The following NTMT2 variants were observed in gnomAD, a reference collection of about 807,000 sequenced individuals.
NTMT2 encodes N-terminal Xaa-Pro-Lys N-methyltransferase 2.
Under a neutral mutation model 23.4 loss-of-function variants are expected in NTMT2, and 21 were observed. The ratio of observed to expected loss-of-function variants is 0.90; its 90% CI spans 0.64 to 1.29. The LOEUF is 1.29. NTMT2 is among the 50% of genes most tolerant of loss of function. NTMT2 has a pLI of 0.00. For missense variants in NTMT2, 336 were observed against 352.0 expected (o/e 0.95, Z 0.36); for synonymous variants, 131 against 127.7 (o/e 1.03, Z -0.17).
In NTMT2 at chr1:170,162,611, C is replaced by T. The variant is rs574883778; in HGVS notation, c.330+1918C>T. Among the ~76,000 whole-genome samples, 21 of 152,296 alleles carry T rather than the reference C, an allele frequency of 1.4e-4. No homozygotes were observed. In the East Asian group the frequency reaches 2.1e-3, roughly 15 times the overall value. On this transcript the variant is annotated intron_variant, in intron 2 of 3. Transcript: ENST00000439373. ...GTTCTGAGAGAGTCAATCTGCTAAG[C>T]GCTTTAGAAGCGTTGTCTCATTTAC...
intron 2 of NTMT2, among the ~76,000 whole-genome samples, chr1:170,161,396 T>C (rs1673270549): frequency 6.6e-6 from 1 of 152,238 alleles, no homozygotes; most frequent in South Asian, 2.1e-4. Context: ...AGTTTTGATT[T>C]TACCTTGAAA....
At chr1:170,156,629 C>T (rs1251249557) in intron 1 of NTMT2, among the ~76,000 whole-genome samples, 3 of 152,052 alleles carry the variant, frequency 2.0e-5, no homozygotes, top group Non-Finnish European at 2.9e-5. Context: ...TAGTAAAAAG[C>T]CATGTGCTGG....
intron 3 of NTMT2, 132 bp downstream of exon 3, chr1:170,166,883 T>C (rs1673405593): frequency 2.3e-6 from 2 of 860,352 alleles, no homozygotes; most frequent in Non-Finnish European, 3.6e-6. Context: ...TTAGGTGTCA[T>C]GTGAACTCCC....
intron 1 of NTMT2, among the ~76,000 whole-genome samples, chr1:170,151,854 G>A (rs1490674525): frequency 6.6e-6 from 1 of 152,030 alleles, no homozygotes; most frequent in Non-Finnish European, 1.5e-5. Context: ...GATATATAAT[G>A]TTTATCTCAC....
chr1:170,160,156 G>A (rs1178863431), intron 1 of NTMT2, among the ~76,000 whole-genome samples: 1 of 152,168 alleles, frequency 6.6e-6, no homozygotes, highest in East Asian at 1.9e-4. Flanking sequence ...TTCAGAGATA[G>A]AACTCACTGC....
rs1306370997 is a variant in NTMT2, at chr1:170,158,430, T to G, written c.155-2088T>G. Reference sequence around the variant, plus strand: ...TTCAAATATGTGTGTTGTGTATTTTTTTTCCCTAAATCTGGCAATCCTATT... The same window carrying G: ...TTCAAATATGTGTGTTGTGTATTTTGTTTCCCTAAATCTGGCAATCCTATT... On this transcript the variant is annotated intron_variant, in intron 1 of 3. Transcript: ENST00000439373. Among the ~76,000 whole-genome samples, 3 of 152,062 alleles carry G rather than the reference T, an allele frequency of 2.0e-5. 1 individual carries two copies. The highest frequency in any genetic ancestry group is 4.4e-5 in the Non-Finnish European group (3 of 67,936).
At chr1:170,162,841 C>T (rs922796153) in intron 2 of NTMT2, among the ~76,000 whole-genome samples, 1 of 149,570 alleles carries the variant, frequency 6.7e-6, no homozygotes, top group African/African-American at 2.5e-5. Context: ...TCTCATGAAA[C>T]TGAAAAAATC....
At chr1:170,162,387 C>G (rs80013322) in intron 2 of NTMT2, among the ~76,000 whole-genome samples, 1 of 152,250 alleles carries the variant, frequency 6.6e-6, no homozygotes, top group South Asian at 2.1e-4. Context: ...TCCTGGAGCA[C>G]CCAGTGTGTG....
At chr1:170,158,495 A>G (rs1172887413) in intron 1 of NTMT2, among the ~76,000 whole-genome samples, 1 of 151,634 alleles carries the variant, frequency 6.6e-6, no homozygotes, top group African/African-American at 2.4e-5. Context: ...TGACTTTTAG[A>G]TCTTCTTACT....
intron 1 of NTMT2, among the ~76,000 whole-genome samples, chr1:170,157,031 C>G (rs544444899): frequency 6.2e-4 from 80 of 128,992 alleles, no homozygotes; most frequent in African/African-American, 2.3e-3. Flanking sequence ...CCTGGGCAGC[C>G]TGTGAGCTGT....
Position 170,168,713 on chromosome 1 carries a change from A to G in NTMT2, c.*956A>G, listed in dbSNP as rs1673446740. Reference sequence around the variant, plus strand: ...AATCTAATTTTAGTCTTTGCTTTTCAACATGGCTTGGTTCATTGCAGCTGC... The same window carrying G: ...AATCTAATTTTAGTCTTTGCTTTTCGACATGGCTTGGTTCATTGCAGCTGC... On this transcript the variant is annotated 3_prime_UTR_variant, in exon 4 of 4. Coordinates refer to ENST00000439373, the MANE Select transcript of NTMT2 (RefSeq NM_001136107.2). Among the ~76,000 whole-genome samples the G allele has an allele frequency of 6.6e-6, 1 of 152,256 alleles. No homozygotes were observed. The highest frequency in any genetic ancestry group is 2.1e-4 in the South Asian group (1 of 4,838).
In NTMT2 at chr1:170,157,608, A is replaced by G. The variant is rs578164951; in HGVS notation, c.155-2910A>G. 1.8e-4 allele frequency among the ~76,000 whole-genome samples: 28 copies of G among 152,168 alleles called. No individual in the cohort carries two copies. The South Asian group carries it at 5.2e-3, about 28-fold the overall frequency. ...TCAGAATCAAAATTTGGAATTATGT[A>G]ATTGTTCATTTCTGAATACTATCCA... On this transcript the variant is annotated intron_variant, in intron 1 of 3. Transcript: ENST00000439373.
chr1:170,153,569 A>T (rs552723159), intron 1 of NTMT2, among the ~76,000 whole-genome samples: 1 of 152,348 alleles, frequency 6.6e-6, no homozygotes, highest in Admixed American at 6.5e-5. Flanking sequence ...GCTTAGTTGC[A>T]TTGTATCCAT....
In NTMT2 at chr1:170,146,120, G is replaced by T. The variant is rs1571813658; in HGVS notation, c.13G>T (p.Gly5Ter). The T allele has an allele frequency of 6.4e-7, 1 of 1,551,144 alleles. No individual in the cohort carries two copies. The highest frequency in any genetic ancestry group is 2.4e-5 in the East Asian group (1 of 40,856). ...ATCCCCCTTTGTCATGGCCCACCGG[G>T]GAGCCCATTTTGCCTTTAGATCCCG... MAHR[G>*]AHFAFRSRWQ... Residue 5 changes from glycine (G) to a stop codon, truncating the protein, a stop_gained, in exon 1 of 4, where the codon GGA (glycine) becomes TGA (stop). Transcript: ENST00000439373. LOFTEE classifies it high-confidence loss of function.
rs371620511 is a variant in NTMT2, at chr1:170,148,142, C to CTTTTTT, written c.154+1900_154+1905dup. ...CTTACCACTGTCTCCTGAGGCACTC[C>CTTTTTT]TTTTTTTTTTTTTTTTTTTTTTTTG... On this transcript the variant is annotated intron_variant, in intron 1 of 3. Coordinates refer to ENST00000439373, the MANE Select transcript of NTMT2 (RefSeq NM_001136107.2). Among the ~76,000 whole-genome samples, 129 of 74,534 alleles carry CTTTTTT rather than the reference C, an allele frequency of 1.7e-3. 3 individuals carry two copies. The highest frequency in any genetic ancestry group is 2.8e-3 in the East Asian group (6 of 2,178). The allele number at this position is 74,534 out of a possible 152,430, so 48.9% of individuals were successfully genotyped here.
At chr1:170,147,529 A>G (rs1413748559) in intron 1 of NTMT2, among the ~76,000 whole-genome samples, 2 of 152,064 alleles carry the variant, frequency 1.3e-5, no homozygotes, top group African/African-American at 4.8e-5. Flanking sequence ...AATACATCTC[A>G]TCTATATCCA....
chr1:170,166,511 A>C lies in NTMT2; in HGVS notation c.340A>C (p.Arg114=). 6.4e-7 allele frequency: 1 copy of C among 1,552,306 alleles called. No individual in the cohort carries two copies. The highest frequency in any genetic ancestry group is 8.7e-7 in the Non-Finnish European group (1 of 1,147,140). ...FLRKFVGGPG[R]AGTDCALDCG... is the part of the protein sequence containing the mutation. ...AGGTGCCTTTCTGCAGGGGCCTGGG[A>C]GAGCTGGAACAGACTGCGCCTTGGA... is the stretch of plus-strand genomic sequence containing the variant. The change falls in exon 3 of 4, where the codon AGA becomes CGA. Residue 114 remains arginine, a synonymous_variant. Transcript: ENST00000439373.
chr1:170,165,133 A>G (rs1468663352), intron 2 of NTMT2, among the ~76,000 whole-genome samples: 1 of 152,156 alleles, frequency 6.6e-6, no homozygotes. Context: ...TTGATTGGCA[A>G]CTTCAAGTAT....
intron 1 of NTMT2, among the ~76,000 whole-genome samples, chr1:170,156,493 T>C (rs1673166839): frequency 6.6e-6 from 1 of 152,196 alleles, no homozygotes; most frequent in African/African-American, 2.4e-5. Flanking sequence ...ATTCAACTAA[T>C]AATGTAGATC....
Sources: gnomAD v4.1 joint callset for allele counts (sites outside exome capture counted in the v4.1 genomes callset) on GRCh38, gnomAD v4.1.1 for gene constraint, MANE v1.5 for transcripts, NCBI Gene and HGNC (gene_info 2026-07-23, HGNC 2026-07-21) for gene names.